ZNF451: variants seen among roughly 807,000 people sequenced by gnomAD.
The protein encoded by ZNF451 is zinc finger protein 451, also known as E3 SUMO-protein ligase ZNF451.
Under a neutral mutation model 107.1 loss-of-function variants are expected in ZNF451, and 80 were observed. The observed-to-expected ratio is 0.75, with a 90% CI of 0.62 to 0.90. ZNF451 has a LOEUF of 0.90. Among genes scored for constraint, ZNF451 ranks in the 40% least tolerant of loss-of-function variants. The probability of loss-of-function intolerance (pLI) is 0.00; values close to 1 mark genes in which losing one functional copy is unlikely to be tolerated. For synonymous variants in ZNF451, 362 were observed against 406.5 expected, an observed-to-expected ratio of 0.89 and a Z score of 1.32; for missense variants, 1,107 against 1,236.2, an observed-to-expected ratio of 0.90 and a Z score of 1.57.
In ZNF451 at chr6:57,141,293, A is replaced by G. The variant is rs759976364; in HGVS notation, c.703-9A>G. ...GTTTTCCATAATACAGCTTTGTCTT[A>G]TATTTTAGGAAGCCACAGATGATGG... is the stretch of plus-strand genomic sequence containing the variant. On this transcript the variant is annotated splice_polypyrimidine_tract_variant and intron_variant, in intron 7 of 14. Coordinates refer to ENST00000370706, the MANE Select transcript of ZNF451 (RefSeq NM_001031623.3). 1.3e-6 allele frequency: 2 copies of G among 1,594,070 alleles called. No homozygotes were observed. Among genetic ancestry groups the G allele is most frequent in the South Asian group, 1.1e-5 (1 of 86,974 alleles).
chr6:57,099,442 CCTTCT>C (rs1562587848), intron 3 of ZNF451: 1 of 715,912 alleles, frequency 1.4e-6, no homozygotes, highest in Non-Finnish European at 2.6e-6. Context: ...TTCCTCTTTC[CCTTCT>C]CTTTTCCTTT....
At chr6:57,102,869 T>A in intron 3 of ZNF451, 1 of 985,430 alleles carries the variant, frequency 1.0e-6, no homozygotes, top group Middle Eastern at 5.2e-4. Context: ...TCACTACTCA[T>A]AAAGCTACAT....
At chr6:57,133,284 A>G in intron 6 of ZNF451, 92 bp downstream of exon 6, 2 of 1,263,568 alleles carry the variant, frequency 1.6e-6, no homozygotes, top group Non-Finnish European at 2.2e-6. Flanking sequence ...CTTTGCCATT[A>G]TGATTATATA....
At chr6:57,151,531 GTTTTGTTTTTGT>G (rs992234668) in intron 11 of ZNF451, among the ~76,000 whole-genome samples, 1 of 152,068 alleles carries the variant, frequency 6.6e-6, no homozygotes, top group African/African-American at 2.4e-5. Flanking sequence ...AGAAGCAGAT[GTTTTGTTTTTGT>G]TTTTGTTTTT....
intron 2 of ZNF451, among the ~76,000 whole-genome samples, chr6:57,092,128 T>G (rs1269646033): frequency 6.6e-6 from 1 of 152,216 alleles, no homozygotes; most frequent in South Asian, 2.1e-4. Context: ...AATCTTGGTA[T>G]ATTTGTGAAG....
At chr6:57,102,828 C>T (rs3891441) in intron 3 of ZNF451, 116 of 985,312 alleles carry the variant, frequency 1.2e-4, no homozygotes, top group Non-Finnish European at 1.4e-4. Flanking sequence ...CAGTAACTAT[C>T]TTCATCAAGA....
At chr6:57,092,220 A>G (rs1829083260) in intron 2 of ZNF451, among the ~76,000 whole-genome samples, 1 of 152,170 alleles carries the variant, frequency 6.6e-6, no homozygotes, top group African/African-American at 2.4e-5. Context: ...TTTTTGAGAA[A>G]CACGAGTAGC....
rs186920402 is a variant in ZNF451 at position 57,109,265 on chromosome 6, A to T, written c.186+10124A>T. ...ATTGCTTGAGTTTTTTCTTTGTTCA[A>T]TGTTGTTTATTACATTCATTTTGTT... On this transcript the variant is annotated intron_variant, in intron 3 of 14. Coordinates refer to ENST00000370706, the MANE Select transcript of ZNF451 (RefSeq NM_001031623.3). 5.1e-6 allele frequency: 5 copies of T among 984,266 alleles called. No homozygotes were observed. The African/African-American group carries it at 7.0e-5, about 14-fold the overall frequency. 61.0% of individuals were successfully genotyped at this position (984,266 alleles called of 1,614,324 possible). A position where few individuals can be genotyped will look rare whatever the true frequency, so the allele number is the denominator to read the frequency against.
chr6:57,157,507 G>T (rs1244656375), intron 13 of ZNF451, among the ~76,000 whole-genome samples: 2 of 152,020 alleles, frequency 1.3e-5, no homozygotes, highest in East Asian at 3.9e-4. Flanking sequence ...TCTCTGACTT[G>T]GTTAGTTAGG....
chr6:57,118,805 T>C (rs1239428672), intron 3 of ZNF451, among the ~76,000 whole-genome samples: 1 of 152,182 alleles, frequency 6.6e-6, no homozygotes, highest in African/African-American at 2.4e-5. Flanking sequence ...TTAAGGCAGA[T>C]TTGCCTGTAC....
chr6:57,148,428 T>A lies in ZNF451; in HGVS notation c.2343T>A (p.Asp781Glu). Residue 781 changes from aspartate (D) to glutamate (E), a missense_variant, in exon 10 of 15, where the codon GAT (aspartate) becomes GAA (glutamate). Transcript: ENST00000370706. ...ATCAAGTGCACAAAGAAAAGAGTGA[T>A]GAGGAGGAGCAGCAGTATGTAATCA... ...HIHQVHKEKSDEEEQQYVIKC... is the reference protein window; with the variant it reads ...HIHQVHKEKSEEEEQQYVIKC... 1.9e-6 allele frequency: 3 copies of A among 1,613,912 alleles called. No homozygotes were observed. The highest frequency in any genetic ancestry group is 2.5e-6 in the Non-Finnish European group (3 of 1,179,930).
rs1276919020 is a variant in ZNF451 at position 57,147,444 on chromosome 6, T to C, written c.1359T>C (p.Asp453=). ...AIPKKKMNLK[D]KSHEGVACVQ... ...CAAAAAAGAAGATGAATTTAAAAGATAAAAGCCATGAAGGTGTTGCTTGTG... is the reference window on the plus strand; with the variant it reads ...CAAAAAAGAAGATGAATTTAAAAGACAAAAGCCATGAAGGTGTTGCTTGTG... Residue 453 remains aspartate, a synonymous_variant, in exon 10 of 15, where the codon GAT becomes GAC. Coordinates refer to ENST00000370706, the MANE Select transcript of ZNF451 (RefSeq NM_001031623.3). 1.9e-6 allele frequency: 3 copies of C among 1,614,076 alleles called. No individual in the cohort carries two copies. Among genetic ancestry groups the C allele is most frequent in the Non-Finnish European group, 2.5e-6 (3 of 1,179,968 alleles).
intron 3 of ZNF451, chr6:57,108,197 T>A (rs773032757): frequency 5.1e-6 from 5 of 985,448 alleles, no homozygotes; most frequent in Non-Finnish European, 6.0e-6. Context: ...AAGAATTGTG[T>A]TCAGTTAGTA....
chr6:57,128,841 G>A lies in ZNF451; in HGVS notation c.424+1G>A. On this transcript the variant is annotated splice_donor_variant, in intron 5 of 14. Transcript: ENST00000370706. LOFTEE classifies it high-confidence loss of function. ...GTGGACCAGTGGCTAAAAATGCCAGGTATTCTTTAGAAATTACACTAAGGT... is the reference window on the plus strand; with the variant it reads ...GTGGACCAGTGGCTAAAAATGCCAGATATTCTTTAGAAATTACACTAAGGT... 1 of 1,603,666 alleles carries A rather than the reference G, an allele frequency of 6.2e-7. No homozygotes were observed. The highest frequency in any genetic ancestry group is 8.5e-7 in the Non-Finnish European group (1 of 1,174,796).
chr6:57,137,373 C>A (rs756371962), intron 7 of ZNF451, among the ~76,000 whole-genome samples: 7 of 152,128 alleles, frequency 4.6e-5, no homozygotes, highest in Admixed American at 2.6e-4. Context: ...TCAATTTCTT[C>A]ACTCTAGACT....
Position 57,153,851 on chromosome 6 carries a change from T to A in ZNF451, c.2884-10T>A. Reference sequence around the variant, plus strand: ...TTTTTTATCAACCTGTGCCATTTGTTCTAACTTAGGCTGGCCGTCTAGATG... The same window carrying A: ...TTTTTTATCAACCTGTGCCATTTGTACTAACTTAGGCTGGCCGTCTAGATG... On this transcript the variant is annotated splice_polypyrimidine_tract_variant and intron_variant, in intron 12 of 14. Transcript: ENST00000370706. 6.2e-7 allele frequency: 1 copy of A among 1,613,592 alleles called. No homozygotes were observed. Among genetic ancestry groups the A allele is most frequent in the Non-Finnish European group, 8.5e-7 (1 of 1,179,880 alleles).
chr6:57,124,990 TTAG>T, intron 4 of ZNF451, 131 bp downstream of exon 4: 1 of 442,978 alleles, frequency 2.3e-6, no homozygotes, highest in South Asian at 9.8e-5. Context: ...GCTCATGAAT[TTAG>T]TAGTAATTCA....
chr6:57,101,909 A>G lies in ZNF451; in HGVS notation c.186+2768A>G, dbSNP rs538723829. The G allele has an allele frequency of 1.1e-5, 17 of 1,550,578 alleles. No homozygotes were observed. The Admixed American group carries it at 2.5e-4, about 23-fold the overall frequency. ...AAAGCTGTTGTTGCAGAAGACAACA[A>G]TATAAAAGAAAATGACTATAAAGAT... On this transcript the variant is annotated intron_variant, in intron 3 of 14. Transcript: ENST00000370706.
intron 14 of ZNF451, among the ~76,000 whole-genome samples, chr6:57,167,757 G>A (rs1242355221): frequency 2.0e-5 from 3 of 152,168 alleles, no homozygotes; most frequent in Non-Finnish European, 4.4e-5. Flanking sequence ...TCATTCCCAA[G>A]GAGGAGATGG....
Sources: gnomAD v4.1 joint callset for allele counts (sites outside exome capture counted in the v4.1 genomes callset) on GRCh38, gnomAD v4.1.1 for gene constraint, MANE v1.5 for transcripts, NCBI Gene and HGNC (gene_info 2026-07-23, HGNC 2026-07-21) for gene names.